The following PEX5L variants were observed in gnomAD, a reference collection of about 807,000 sequenced individuals.
PEX5L encodes PEX5-related protein.
PEX5L carries 30 observed loss-of-function variants against 84.0 expected under a neutral mutation model. That is an observed-to-expected ratio of 0.36 (90% CI 0.27 to 0.48). PEX5L has a LOEUF of 0.48. PEX5L is among the 20% of genes least tolerant of loss of function. PEX5L has a pLI of 0.99. For missense variants in PEX5L, 533 were observed against 754.6 expected (o/e 0.71, Z 3.44); for synonymous variants, 270 against 283.1 (o/e 0.95, Z 0.46).
At chr3:179,951,431 A>G (rs111509765) in intron 2 of PEX5L, among the ~76,000 whole-genome samples, 3,795 of 152,276 alleles carry the variant, frequency 0.025, 170 homozygotes, top group African/African-American at 0.088. Flanking sequence ...AGTATAAGCA[A>G]ATGGTCTCTA....
chr3:179,975,143 T>C (rs1379999303), intron 1 of PEX5L, among the ~76,000 whole-genome samples: 3 of 152,076 alleles, frequency 2.0e-5, no homozygotes, highest in African/African-American at 7.2e-5. Flanking sequence ...AAGCCATGAA[T>C]GCACTATTGC....
At chr3:179,895,305 G>A (rs1162428703) in intron 3 of PEX5L, among the ~76,000 whole-genome samples, 4 of 152,060 alleles carry the variant, frequency 2.6e-5, no homozygotes, top group Non-Finnish European at 5.9e-5. Context: ...TCTCAGTTTG[G>A]AGCAGCCACG....
intron 2 of PEX5L, among the ~76,000 whole-genome samples, chr3:179,910,163 C>T (rs1051544386): frequency 1.3e-5 from 2 of 152,150 alleles, no homozygotes; most frequent in Non-Finnish European, 2.9e-5. Context: ...GGATTGAAAA[C>T]CAGAAATTTG....
chr3:179,902,982 C>T (rs1761913105), intron 2 of PEX5L, among the ~76,000 whole-genome samples: 1 of 152,040 alleles, frequency 6.6e-6, no homozygotes, highest in Non-Finnish European at 1.5e-5. Flanking sequence ...AATTAATATA[C>T]TTCTTGCCAA....
intron 8 of PEX5L, among the ~76,000 whole-genome samples, chr3:179,850,994 T>C (rs977850342): frequency 2.6e-5 from 4 of 152,224 alleles, no homozygotes; most frequent in African/African-American, 9.7e-5. Flanking sequence ...TTGATATTTC[T>C]GAGATGCCTA....
intron 1 of PEX5L, among the ~76,000 whole-genome samples, chr3:179,996,677 T>C (rs1158280281): frequency 6.6e-6 from 1 of 152,188 alleles, no homozygotes; most frequent in African/African-American, 2.4e-5. Flanking sequence ...GTAATTGCTC[T>C]TCTCTGTATG....
chr3:179,808,673 C>G (rs909920934), intron 12 of PEX5L, among the ~76,000 whole-genome samples: 8 of 152,154 alleles, frequency 5.3e-5, no homozygotes, highest in African/African-American at 1.7e-4. Context: ...AAGGTCTTCA[C>G]GAGGCGAGTT....
intron 2 of PEX5L, among the ~76,000 whole-genome samples, chr3:179,925,760 A>C (rs1172136259): frequency 6.6e-6 from 1 of 152,242 alleles, no homozygotes; most frequent in African/African-American, 2.4e-5. Context: ...CCAATATTCT[A>C]TGCCAGTATT....
chr3:179,960,732 C>T (rs1301739354), intron 2 of PEX5L, among the ~76,000 whole-genome samples: 1 of 152,116 alleles, frequency 6.6e-6, no homozygotes, highest in Non-Finnish European at 1.5e-5. Flanking sequence ...TGTTTATGAG[C>T]TCAATATGTT....
At chr3:180,034,412 A>G (rs1791715162) in intron 1 of PEX5L, among the ~76,000 whole-genome samples, 1 of 151,280 alleles carries the variant, frequency 6.6e-6, no homozygotes, top group South Asian at 2.1e-4. Context: ...CTTATCTGTG[A>G]TTAGAGTCAG....
chr3:179,976,237 G>C (rs1785777750), intron 1 of PEX5L, among the ~76,000 whole-genome samples: 1 of 152,218 alleles, frequency 6.6e-6, no homozygotes, highest in Admixed American at 6.5e-5. Context: ...GATAGTGTCA[G>C]ATGCTGATGA....
At chr3:179,919,257 T>C (rs1180219525) in intron 2 of PEX5L, among the ~76,000 whole-genome samples, 1 of 152,208 alleles carries the variant, frequency 6.6e-6, no homozygotes, top group Non-Finnish European at 1.5e-5. Flanking sequence ...AAAGTGGCAG[T>C]GGTGAGATTT....
chr3:179,878,042 T>C (rs1753022170), intron 5 of PEX5L, among the ~76,000 whole-genome samples: 1 of 152,194 alleles, frequency 6.6e-6, no homozygotes, highest in Admixed American at 6.5e-5. Context: ...CAAATCTCCA[T>C]TTCCTACTCA....
chr3:179,829,943 A>ATTTTTTTTTTTTT (rs11352022), intron 8 of PEX5L, among the ~76,000 whole-genome samples: 37 of 83,632 alleles, frequency 4.4e-4, no homozygotes, highest in African/African-American at 7.3e-4. Context: ...GGCCTGGCTA[A>ATTTTTTTTTTTTT]TTTTTTTTTT....
intron 1 of PEX5L, among the ~76,000 whole-genome samples, chr3:179,983,254 TACC>T (rs1053885178): frequency 3.3e-5 from 5 of 151,952 alleles, no homozygotes; most frequent in African/African-American, 1.2e-4. Context: ...AAATTGCGAC[TACC>T]TTTTCATATT....
chr3:179,965,121 G>A (rs1464783), intron 2 of PEX5L, among the ~76,000 whole-genome samples: 115,512 of 152,224 alleles, frequency 0.76, 44,122 homozygotes, highest in East Asian at 0.96. Context: ...AGCTGGCACC[G>A]CTGAAAATGT....
chr3:179,852,106 ACT>A (rs1251433710), intron 8 of PEX5L, among the ~76,000 whole-genome samples: 2 of 152,166 alleles, frequency 1.3e-5, no homozygotes, highest in African/African-American at 4.8e-5. Context: ...ACTATGTCAC[ACT>A]GTTTCTGAGG....
At chr3:180,010,199 C>A (rs1419332608) in intron 1 of PEX5L, among the ~76,000 whole-genome samples, 1 of 151,004 alleles carries the variant, frequency 6.6e-6, no homozygotes, top group East Asian at 1.9e-4. Flanking sequence ...TCTGCCACGG[C>A]CTCCCAAAGT....
At chr3:179,861,077 G>C (rs1745954662) in intron 7 of PEX5L, among the ~76,000 whole-genome samples, 1 of 152,174 alleles carries the variant, frequency 6.6e-6, no homozygotes, top group Admixed American at 6.5e-5. Flanking sequence ...TCTGTGTTTT[G>C]CTTTAATAAA....
Sources: allele counts gnomAD v4.1 joint callset (sites outside exome capture counted in the v4.1 genomes callset), GRCh38; gene constraint gnomAD v4.1.1; transcripts MANE v1.5; gene names NCBI Gene and HGNC (gene_info 2026-07-23, HGNC 2026-07-21).